Variants in DMBT1 observed in about 807,000 individuals in gnomAD.
The protein encoded by DMBT1 is scavenger receptor cysteine-rich domain-containing protein DMBT1.
In DMBT1, 198 loss-of-function variants were observed where a neutral mutation model predicts 252.9. The observed-to-expected ratio is 0.78, with a 90% confidence interval of 0.70 to 0.88. DMBT1 has a LOEUF of 0.88. Among genes scored for constraint, DMBT1 ranks in the 40% least tolerant of loss-of-function variants. The pLI, the probability that DMBT1 is intolerant of heterozygous loss-of-function variation, is 0.00. For missense variants in DMBT1, 2,432 were observed against 2,404.7 expected, an observed-to-expected ratio of 1.01 and a Z score of -0.24; for synonymous variants, 990 against 942.7, an observed-to-expected ratio of 1.05 and a Z score of -0.92.
chr10:122,567,038 C>T (rs1161465269), intron 2 of DMBT1, among the ~76,000 whole-genome samples: 3 of 152,184 alleles, frequency 2.0e-5, no homozygotes, highest in Non-Finnish European at 4.4e-5. Context: ...GAACTTTGTG[C>T]CCAAGTTTAA....
At chr10:122,579,264 G>A (rs764227077) in intron 9 of DMBT1, among the ~76,000 whole-genome samples, 6 of 152,118 alleles carry the variant, frequency 3.9e-5, no homozygotes, top group Non-Finnish European at 7.4e-5. Flanking sequence ...CTGAATAAGG[G>A]AGGGGTCTGG....
At position 122,576,455 on chromosome 10, in the gene DMBT1, C is replaced by A. The variant is rs201259616; in HGVS notation, c.340C>A (p.Arg114=). Residue 114 remains arginine (R), a synonymous_variant, in exon 7 of 56, where the codon CGA becomes AGA. Transcript: ENST00000338354. The part of the protein sequence containing the change: ...LVNGDGRCQG[R]VEILYRGSWG... ...GAATGGAGATGGCAGGTGTCAGGGCCGAGTGGAGATCCTATACCGAGGCTC... is the reference window on the plus strand; with the variant it reads ...GAATGGAGATGGCAGGTGTCAGGGCAGAGTGGAGATCCTATACCGAGGCTC... 1.4e-5 allele frequency: 22 copies of A among 1,613,928 alleles called. No homozygotes were observed. The highest frequency in any genetic ancestry group is 1.9e-5 in the Non-Finnish European group (22 of 1,179,860).
At chr10:122,632,065 C>T (rs949574111) in intron 50 of DMBT1, among the ~76,000 whole-genome samples, 190 bp downstream of exon 50, 8 of 152,070 alleles carry the variant, frequency 5.3e-5, no homozygotes, top group Non-Finnish European at 8.8e-5. Context: ...GTGGCCTGAC[C>T]CACCTAAGAT....
intron 46 of DMBT1, among the ~76,000 whole-genome samples, chr10:122,628,020 A>T (rs1457367442): frequency 6.6e-6 from 1 of 152,216 alleles, no homozygotes; most frequent in Non-Finnish European, 1.5e-5. Flanking sequence ...AGATAATAGC[A>T]AGTGTTGATG....
chr10:122,563,249 C>T (rs1047549060), intron 1 of DMBT1, among the ~76,000 whole-genome samples: 3 of 152,276 alleles, frequency 2.0e-5, no homozygotes, highest in East Asian at 1.9e-4. Flanking sequence ...CCTCTGTGAC[C>T]CTCAGTTTAC....
rs572975094 is a variant in DMBT1 at position 122,591,538 on chromosome 10, T to C, written c.2176+21T>C. 2 of 1,575,766 alleles carry C rather than the reference T, an allele frequency of 1.3e-6. 1 individual carries two copies. The highest frequency in any genetic ancestry group is 4.7e-5 in the East Asian group (2 of 42,456). On this transcript the variant is annotated intron_variant, in intron 19 of 55. Coordinates refer to ENST00000338354, the MANE Select transcript of DMBT1 (RefSeq NM_001377530.1). ...AGTAGGTAAATAATCCTCTCACCCC[T>C]CCCTAGGGCTCACTCTCTACCTCTG... is the stretch of plus-strand genomic sequence containing the variant.
At chr10:122,633,763 ATGT>A (rs1170396022) in intron 52 of DMBT1, among the ~76,000 whole-genome samples, 1 of 152,182 alleles carries the variant, frequency 6.6e-6, no homozygotes, top group Admixed American at 6.5e-5. Context: ...TATTTACAAA[ATGT>A]TGTCCAGTGG....
rs1372025314 is a variant in DMBT1, at chr10:122,630,949, T to A, written c.6026-12T>A. The A allele has an allele frequency of 6.3e-7, 1 of 1,585,290 alleles. No individual in the cohort carries two copies. Among genetic ancestry groups the A allele is most frequent in the African/African-American group, 1.3e-5 (1 of 74,468 alleles). ...GACATGGCCATGATCTCTCAGTTAA[T>A]GTGTCTTTCAGATGCCACCTTGAGG... On this transcript the variant is annotated splice_polypyrimidine_tract_variant and intron_variant, in intron 48 of 55. Transcript: ENST00000338354.
intron 15 of DMBT1, among the ~76,000 whole-genome samples, 154 bp downstream of exon 15, chr10:122,585,463 G>C (rs1204918599): frequency 6.8e-6 from 1 of 147,940 alleles, no homozygotes; most frequent in Non-Finnish European, 1.5e-5. Flanking sequence ...TGGGGACCCA[G>C]CTGTGGGTCT....
Position 122,598,494 on chromosome 10 carries a change from C to T in DMBT1, c.2957-280C>T, listed in dbSNP as rs188557872. On this transcript the variant is annotated intron_variant, in intron 25 of 55. Transcript: ENST00000338354. Reference sequence around the variant, plus strand: ...CCTACTGTAGCTGTGTAGCTCTGTCCTGTGTGTACCCAGGTTAGGGAATGG... The same window carrying T: ...CCTACTGTAGCTGTGTAGCTCTGTCTTGTGTGTACCCAGGTTAGGGAATGG... 1.1e-3 allele frequency among the ~76,000 whole-genome samples: 168 copies of T among 152,278 alleles called. 1 individual carries two copies. The highest frequency in any genetic ancestry group is 3.8e-3 in the African/African-American group (158 of 41,580).
chr10:122,622,892 C>T (rs2133644389), intron 44 of DMBT1, among the ~76,000 whole-genome samples: 1 of 152,306 alleles, frequency 6.6e-6, no homozygotes, highest in East Asian at 1.9e-4. Context: ...CCCTTCCTTT[C>T]TTTTGATACT....
At chr10:122,627,214 A>G (rs963265773) in intron 46 of DMBT1, among the ~76,000 whole-genome samples, 2 of 152,202 alleles carry the variant, frequency 1.3e-5, no homozygotes, top group African/African-American at 4.8e-5. Context: ...TATCCTTATT[A>G]TCTAGCATTG....
Position 122,625,934 on chromosome 10 carries a change from T to C in DMBT1, c.5637T>C (p.Asp1879=). 1 of 1,611,016 alleles carries C rather than the reference T, an allele frequency of 6.2e-7. No homozygotes were observed. Among genetic ancestry groups the C allele is most frequent in the Non-Finnish European group, 8.5e-7 (1 of 1,177,170 alleles). The change falls in exon 46 of 56, where the codon GAT becomes GAC. Residue 1879 remains aspartate, a splice_region_variant and synonymous_variant. Transcript: ENST00000338354. ...SATQINSTTT[D]WWHPTTTTTA... Reference sequence around the variant, plus strand: ...AAACAGCTTCATTTTTTTTTCTAGATTGGTGGCATCCAACAACTACAACCA... The same window carrying C: ...AAACAGCTTCATTTTTTTTTCTAGACTGGTGGCATCCAACAACTACAACCA...
chr10:122,643,366 A>T lies in DMBT1; in HGVS notation c.7597A>T (p.Thr2533Ser), dbSNP rs1486339690. Residue 2533 changes from threonine (T) to serine (S), a missense_variant, in exon 56 of 56, where the codon ACC becomes TCC. Thr to Ser is a moderately conservative substitution (Grantham distance 58). This residue lies in a region of DMBT1 where 1,162 missense variants were observed against 1,169.0 expected (regional missense o/e 0.99). Transcript: ENST00000338354. ...DVVLGPIQLQ[T>S]PPRREEEPR ...CGTCCTGGGTCCCATCCAGCTGCAG[A>T]CCCCCCCACGCCGAGAAGAGGAGCC... The T allele has an allele frequency of 1.4e-5, 22 of 1,611,092 alleles. No homozygotes were observed. The highest frequency in any genetic ancestry group is 1.5e-5 in the Non-Finnish European group (18 of 1,179,114).
At chr10:122,617,021 A>G (rs2097991482) in intron 39 of DMBT1, among the ~76,000 whole-genome samples, 1 of 140,366 alleles carries the variant, frequency 7.1e-6, no homozygotes, top group South Asian at 2.5e-4. Context: ...GATTAGAGAA[A>G]TGGAGGGCTC....
chr10:122,619,996 G>A (rs996416856), intron 42 of DMBT1, among the ~76,000 whole-genome samples: 27 of 152,318 alleles, frequency 1.8e-4, no homozygotes, highest in Non-Finnish European at 3.5e-4. Context: ...TGTGTCACTG[G>A]ATGGGGCAGG....
chr10:122,588,905 T>G (rs1292315017), intron 16 of DMBT1, 39 bp from the exon 17 acceptor site: 1 of 1,586,426 alleles, frequency 6.3e-7, no homozygotes, highest in South Asian at 1.2e-5. Flanking sequence ...CTTGACCTGC[T>G]GATAGGGATT....
At position 122,593,040 on chromosome 10, in the gene DMBT1, TAG is replaced by T. The variant is rs534393342; in HGVS notation, c.2500+448_2500+449del. On this transcript the variant is annotated intron_variant, in intron 20 of 55. Transcript: ENST00000338354. ...GAGACCCAGTGAGGAGGTCTGGAAATAGAGGCTCAAGGGTTAGGGGTGCAAAT... is the reference window on the plus strand; with the variant it reads ...GAGACCCAGTGAGGAGGTCTGGAAATAGGCTCAAGGGTTAGGGGTGCAAAT... 1.6e-3 allele frequency among the ~76,000 whole-genome samples: 241 copies of T among 148,636 alleles called. 7 individuals carry two copies. Among genetic ancestry groups the T allele is most frequent in the African/African-American group, 5.8e-3 (237 of 41,202 alleles).
intron 50 of DMBT1, among the ~76,000 whole-genome samples, chr10:122,632,608 TG>T (rs1362728195): frequency 6.6e-6 from 1 of 152,178 alleles, no homozygotes; most frequent in Non-Finnish European, 1.5e-5. Flanking sequence ...CCACTCCATC[TG>T]GGGCAGGGGC....
Sources: allele counts gnomAD v4.1 joint callset (sites outside exome capture counted in the v4.1 genomes callset), GRCh38; gene constraint gnomAD v4.1.1; regional missense constraint gnomAD v4.1.1; transcripts MANE v1.5; gene names NCBI Gene and HGNC (gene_info 2026-07-23, HGNC 2026-07-21).